The following AOPEP variants were observed in gnomAD, a reference collection of about 807,000 sequenced individuals.
AOPEP encodes aminopeptidase O (putative).
In AOPEP, 77 loss-of-function variants were observed where a neutral mutation model predicts 98.1. The ratio of observed to expected loss-of-function variants is 0.78; its 90% CI spans 0.65 to 0.95. The LOEUF is 0.95. Ranked by LOEUF, AOPEP falls within the 40% of genes least tolerant of loss-of-function variation. The probability of loss-of-function intolerance (pLI) is 0.00; values close to 1 mark genes in which losing one functional copy is unlikely to be tolerated. For missense variants in AOPEP, 1,024 were observed against 1,024.7 expected, an observed-to-expected ratio of 1.00 and a Z score of 0.01; for synonymous variants, 346 against 365.3, an observed-to-expected ratio of 0.95 and a Z score of 0.60.
chr9:94,771,560 TTTCC>T (rs1249835250), intron 2 of AOPEP, among the ~76,000 whole-genome samples: 1 of 152,214 alleles, frequency 6.6e-6, no homozygotes, highest in Non-Finnish European at 1.5e-5. Flanking sequence ...AGGAACTTCA[TTTCC>T]TAGGCTCTCT....
intron 13 of AOPEP, among the ~76,000 whole-genome samples, chr9:95,057,600 T>C (rs976369922): frequency 6.6e-6 from 1 of 152,280 alleles, no homozygotes; most frequent in African/African-American, 2.4e-5. Context: ...AATATGCTCT[T>C]TTTAAGGTCT....
In AOPEP at chr9:94,792,775, C is replaced by G. The variant is rs748872010; in HGVS notation, c.975C>G (p.Ser325Arg). Residue 325 changes from serine (S) to arginine (R), a missense_variant, in exon 4 of 17, where the codon AGC becomes AGG. Physicochemically the swap from Ser to Arg is moderately radical, Grantham distance 110. Transcript: ENST00000375315. ...TCTTCCTGTTTACAGAGTGCTCAAG[C>G]TGGTATTACTATGTAACTATGCCAA... is the stretch of plus-strand genomic sequence containing the variant. ...KPTQLWEECS[S>R]WYYYVTMPMP... 2.5e-6 allele frequency: 4 copies of G among 1,607,456 alleles called. No homozygotes were observed. Among genetic ancestry groups the G allele is most frequent in the Non-Finnish European group, 3.4e-6 (4 of 1,175,814 alleles).
chr9:95,126,776 G>T, the AOPEP span: 1 of 603,574 alleles, frequency 1.7e-6, no homozygotes, highest in Non-Finnish European at 3.0e-6. Flanking sequence ...TCCCTGGGCA[G>T]GGGTTACAGG....
At chr9:94,728,226 T>C (rs1829659539) in intron 1 of AOPEP, among the ~76,000 whole-genome samples, 1 of 124,178 alleles carries the variant, frequency 8.1e-6, no homozygotes, top group African/African-American at 3.2e-5. Flanking sequence ...TGATCCTTCC[T>C]GCGTGCGCGC....
At chr9:95,082,472 G>T in intron 15 of AOPEP, 103 bp from the exon 16 acceptor site, 1 of 1,331,872 alleles carries the variant, frequency 7.5e-7, no homozygotes, top group South Asian at 1.4e-5. Context: ...GCAATTTCTA[G>T]ACCAGCAAGT....
chr9:94,984,062 C>CT (rs2060363690), intron 11 of AOPEP, among the ~76,000 whole-genome samples: 1 of 148,732 alleles, frequency 6.7e-6, no homozygotes, highest in African/African-American at 2.5e-5. Context: ...GAGACGGAAT[C>CT]TCGCTCTGTT....
At chr9:94,772,962 A>G in intron 2 of AOPEP, 40 bp from the exon 3 acceptor site, 1 of 1,538,256 alleles carries the variant, frequency 6.5e-7, no homozygotes, top group East Asian at 2.3e-5. Context: ...AACTCATTTT[A>G]AAGATTCACC....
At chr9:94,873,443 A>G (rs2135681937) in intron 5 of AOPEP, among the ~76,000 whole-genome samples, 1 of 152,322 alleles carries the variant, frequency 6.6e-6, no homozygotes, top group East Asian at 1.9e-4. Context: ...TATGTTGGGA[A>G]GCACCTGACA....
intron 1 of AOPEP, among the ~76,000 whole-genome samples, chr9:94,741,048 G>A (rs1832951773): frequency 6.6e-6 from 1 of 152,124 alleles, no homozygotes; most frequent in Admixed American, 6.5e-5. Context: ...GAGAGAGAGA[G>A]TGAGTGAGAA....
chr9:94,977,872 C>T (rs1219466603), intron 10 of AOPEP, among the ~76,000 whole-genome samples: 1 of 152,068 alleles, frequency 6.6e-6, no homozygotes, highest in Admixed American at 6.6e-5. Flanking sequence ...TTCATATGAA[C>T]TCAAAGCCCT....
chr9:94,871,742 C>G (rs2046372747), intron 5 of AOPEP, among the ~76,000 whole-genome samples: 1 of 152,056 alleles, frequency 6.6e-6, no homozygotes, highest in Non-Finnish European at 1.5e-5. Context: ...CATGGTGGTT[C>G]ACGCCTGTAA....
At chr9:94,877,963 C>T (rs1438243657) in intron 5 of AOPEP, among the ~76,000 whole-genome samples, 1 of 152,098 alleles carries the variant, frequency 6.6e-6, no homozygotes, top group Non-Finnish European at 1.5e-5. Context: ...TAGGTTTCCA[C>T]TCCCTCCTCC....
chr9:95,149,547 C>T, the AOPEP span, among the ~76,000 whole-genome samples: 4 of 151,700 alleles, frequency 2.6e-5, no homozygotes, highest in South Asian at 4.2e-4. Flanking sequence ...GGCACAATCT[C>T]GGCTCACTGC....
rs1837941736 is a variant in AOPEP, at chr9:94,760,220, T to TG, written c.439dup (p.Asp147GlyfsTer4). ...GGGAGTGAGGATTTTTTGCTAGTGTTGGACTGCTGTGATTTATCTGTGTTA... is the reference window on the plus strand; with the variant it reads ...GGGAGTGAGGATTTTTTGCTAGTGTTGGGACTGCTGTGATTTATCTGTGTTA... On this transcript the variant is annotated frameshift_variant, in exon 2 of 17. Transcript: ENST00000375315. LOFTEE classifies it high-confidence loss of function. 2.5e-6 allele frequency: 4 copies of TG among 1,614,214 alleles called. No individual in the cohort carries two copies. Among genetic ancestry groups the TG allele is most frequent in the Non-Finnish European group, 3.4e-6 (4 of 1,180,036 alleles).
chr9:95,010,421 A>AT (rs1433902872), intron 13 of AOPEP, among the ~76,000 whole-genome samples: 8 of 152,240 alleles, frequency 5.3e-5, no homozygotes, highest in Admixed American at 3.9e-4. Flanking sequence ...ATGGCACAGA[A>AT]TGAACCTATG....
chr9:94,942,875 A>C (rs1343550437), intron 7 of AOPEP, among the ~76,000 whole-genome samples: 4 of 147,654 alleles, frequency 2.7e-5, no homozygotes, highest in South Asian at 4.4e-4. Context: ...ATTGCACTCC[A>C]GCCTAGGGGA....
intron 5 of AOPEP, among the ~76,000 whole-genome samples, chr9:94,899,271 G>GCCTCCTGGGTT (rs1464738502): frequency 8.1e-6 from 1 of 123,608 alleles, no homozygotes; most frequent in East Asian, 2.8e-4. Flanking sequence ...TGCAAGCTCC[G>GCCTCCTGGGTT]CCTCCTGGGT....
chr9:95,131,518 G>A, the AOPEP span, among the ~76,000 whole-genome samples: 1 of 152,194 alleles, frequency 6.6e-6, no homozygotes, highest in Admixed American at 6.5e-5. Context: ...AGACTATGCT[G>A]GAGGATCTGG....
Position 95,016,491 on chromosome 9 carries a change from C to G in AOPEP, c.2115+10875C>G, listed in dbSNP as rs1273956665. Among the ~76,000 whole-genome samples, 69 of 152,008 alleles carry G rather than the reference C, an allele frequency of 4.5e-4. 1 individual carries two copies. Among genetic ancestry groups the G allele is most frequent in the Non-Finnish European group, 2.9e-5 (2 of 68,010 alleles). ...CTCCTGACCTCAGGTAATCTACCCA[C>G]TTTGGCCTCCCAAAGTGCTGGGATT... On this transcript the variant is annotated intron_variant, in intron 13 of 16. Transcript: ENST00000375315.
Sources: allele counts gnomAD v4.1 joint callset (sites outside exome capture counted in the v4.1 genomes callset), GRCh38; gene constraint gnomAD v4.1.1; transcripts MANE v1.5; gene names NCBI Gene and HGNC (gene_info 2026-07-23, HGNC 2026-07-21).